The following GAK variants were observed in gnomAD, a reference collection of about 807,000 sequenced individuals.
GAK encodes the protein cyclin-G-associated kinase.
Under a neutral mutation model 143.9 loss-of-function variants are expected in GAK, and 79 were observed. That is an observed-to-expected ratio of 0.55 (90% confidence interval 0.46 to 0.66). The LOEUF (loss-of-function observed/expected upper bound fraction) is 0.66. Among genes scored for constraint, GAK ranks in the 30% least tolerant of loss-of-function variants. The pLI is 0.00. For synonymous variants in GAK, 881 were observed against 765.5 expected (o/e 1.15, Z -2.49); for missense variants, 1,693 against 1,779.7 (o/e 0.95, Z 0.88).
chr4:864,175 A>G (rs1750741779), intron 23 of GAK, among the ~76,000 whole-genome samples: 1 of 152,140 alleles, frequency 6.6e-6, no homozygotes, highest in African/African-American at 2.4e-5. Flanking sequence ...CCTGAGCAAC[A>G]TGGCAAAACT....
At chr4:880,341 T>C (rs929708315) in intron 15 of GAK, among the ~76,000 whole-genome samples, 2 of 151,942 alleles carry the variant, frequency 1.3e-5, no homozygotes, top group Admixed American at 1.3e-4. Context: ...GACCGTGCAC[T>C]CTGCATGAGC....
At chr4:914,059 G>A (rs1577293395) in intron 1 of GAK, 1 of 110,888 alleles carries the variant, frequency 9.0e-6, no homozygotes, top group East Asian at 3.9e-4. Context: ...CAGCGTGCAC[G>A]GCCCCCACAC....
intron 6 of GAK, 61 bp downstream of exon 6, chr4:897,972 A>T (rs528909720): frequency 6.5e-7 from 1 of 1,545,912 alleles, no homozygotes; most frequent in Non-Finnish European, 8.8e-7. Context: ...AGCACTCCGC[A>T]CTCAGGGCGT....
At chr4:913,580 C>G in intron 2 of GAK, 27 bp downstream of exon 2, 10 of 1,580,400 alleles carry the variant, frequency 6.3e-6, no homozygotes, top group Non-Finnish European at 8.7e-6. Flanking sequence ...GTCAGAAATC[C>G]AGAGAAGGCG....
chr4:883,574 C>G, intron 12 of GAK, 111 bp from the exon 13 acceptor site: 1 of 1,234,558 alleles, frequency 8.1e-7, no homozygotes, highest in Non-Finnish European at 1.1e-6. Context: ...CCTCCGGCAG[C>G]TCCACCAGCC....
intron 1 of GAK, among the ~76,000 whole-genome samples, chr4:916,258 C>T (rs116110073): frequency 1.3e-3 from 197 of 152,246 alleles, no homozygotes; most frequent in African/African-American, 4.5e-3. Context: ...ATCCAAGTAA[C>T]AACAATTTTT....
At chr4:862,329 A>T (rs1481838904) in intron 23 of GAK, among the ~76,000 whole-genome samples, 1 of 152,176 alleles carries the variant, frequency 6.6e-6, no homozygotes, top group Non-Finnish European at 1.5e-5. Flanking sequence ...CACCCGCCAG[A>T]CTCTCCATGC....
intron 1 of GAK, among the ~76,000 whole-genome samples, chr4:928,552 G>A (rs1284221262): frequency 2.0e-5 from 3 of 152,150 alleles, no homozygotes; most frequent in Non-Finnish European, 4.4e-5. Context: ...GATCTCAAGT[G>A]TACCCTGCGG....
In GAK at chr4:857,030, TATG is replaced by T. The variant is rs1041360215; in HGVS notation, c.3283+2573_3283+2575del. On this transcript the variant is annotated intron_variant, in intron 24 of 27. Transcript: ENST00000314167. ...ACCACATGACTCTTCAGCCAGTTAA[TATG>T]ATATCAGATTAGTGCAAAAGTAATT... is the stretch of plus-strand genomic sequence containing the variant. Among the ~76,000 whole-genome samples, 116 of 152,364 alleles carry T rather than the reference TATG, an allele frequency of 7.6e-4. 1 individual carries two copies. The highest frequency in any genetic ancestry group is 3.4e-3 in the Middle Eastern group (1 of 294).
At chr4:910,412 C>T (rs1721845255) in intron 4 of GAK, among the ~76,000 whole-genome samples, 1 of 149,876 alleles carries the variant, frequency 6.7e-6, no homozygotes. Flanking sequence ...GCAGTCCCCC[C>T]TCCACTAAGC....
At chr4:917,755 C>T (rs1723308401) in intron 1 of GAK, among the ~76,000 whole-genome samples, 1 of 152,170 alleles carries the variant, frequency 6.6e-6, no homozygotes, top group Non-Finnish European at 1.5e-5. Flanking sequence ...ATGACATGTG[C>T]CGAAACATTT....
At chr4:914,485 C>CAGAT (rs1577296956) in intron 1 of GAK, among the ~76,000 whole-genome samples, 1 of 102,020 alleles carries the variant, frequency 9.8e-6, no homozygotes, top group African/African-American at 4.0e-5. Context: ...CACACACACA[C>CAGAT]AGCCCCAGCG....
At chr4:916,596 C>T (rs999368439) in intron 1 of GAK, among the ~76,000 whole-genome samples, 1 of 152,170 alleles carries the variant, frequency 6.6e-6, no homozygotes, top group Non-Finnish European at 1.5e-5. Flanking sequence ...AAGTACACAA[C>T]GTGTCCCACC....
At chr4:870,370 A>G (rs1353451718) in intron 19 of GAK, among the ~76,000 whole-genome samples, 3 of 152,170 alleles carry the variant, frequency 2.0e-5, no homozygotes, top group Non-Finnish European at 2.9e-5. Context: ...TCACAGTGAG[A>G]GTGGACGTGT....
chr4:895,705 G>A (rs1718637688), intron 7 of GAK, among the ~76,000 whole-genome samples: 1 of 152,246 alleles, frequency 6.6e-6, no homozygotes, highest in Non-Finnish European at 1.5e-5. Flanking sequence ...TCCACGCGTG[G>A]TCACCCTCGG....
rs909585144 is a variant in GAK, at chr4:901,391, G to C, written c.526-3233C>G. Among the ~76,000 whole-genome samples, 3 of 151,674 alleles carry C rather than the reference G, an allele frequency of 2.0e-5. No homozygotes were observed. In the South Asian group the frequency reaches 6.2e-4, roughly 32 times the overall value. ...CTTGGGCCTCCCACCCGGGGCACAC[G>C]TGGAGAGCCACGGCCTTGGATCCCC... On this transcript the variant is annotated intron_variant, in intron 5 of 27. Coordinates refer to ENST00000314167, the MANE Select transcript of GAK (RefSeq NM_005255.4).
chr4:893,329 C>T, intron 9 of GAK, 48 bp downstream of exon 9: 1 of 1,346,592 alleles, frequency 7.4e-7, no homozygotes, highest in Non-Finnish European at 1.0e-6. Context: ...TCATGTGTGC[C>T]TCCTTCACCA....
In GAK at chr4:920,539, A is replaced by AATTTTT. The variant is rs766096942; in HGVS notation, c.146-6872_146-6871insAAAAAT. ...AAAATTGTGAAAAAGGTTTAGAGCCATTTTTTTTTTTTTTTTTTTTTTGAG... is the reference window on the plus strand; with the variant it reads ...AAAATTGTGAAAAAGGTTTAGAGCCAATTTTTTTTTTTTTTTTTTTTTTTTTTTGAG... On this transcript the variant is annotated intron_variant, in intron 1 of 27. Coordinates refer to ENST00000314167, the MANE Select transcript of GAK (RefSeq NM_005255.4). Among the ~76,000 whole-genome samples the AATTTTT allele has an allele frequency of 1.5e-5, 2 of 129,600 alleles. 1 individual carries two copies. The highest frequency in any genetic ancestry group is 4.9e-4 in the South Asian group (2 of 4,058). The allele number at this position is 129,600 out of a possible 152,430, so 85.0% of individuals were successfully genotyped here. A position where few individuals can be genotyped will look rare whatever the true frequency, so the allele number is the denominator to read the frequency against.
chr4:851,387 A>G, intron 25 of GAK: 2 of 463,742 alleles, frequency 4.3e-6, no homozygotes, highest in Non-Finnish European at 7.8e-6. Flanking sequence ...TGAGCCACAA[A>G]GCCCAGTTAA....
Sources: gnomAD v4.1 joint callset for allele counts (sites outside exome capture counted in the v4.1 genomes callset) on GRCh38, gnomAD v4.1.1 for gene constraint, MANE v1.5 for transcripts, NCBI Gene and HGNC (gene_info 2026-07-23, HGNC 2026-07-21) for gene names.